The following MCM4 variants were observed in gnomAD, a reference collection of about 807,000 sequenced individuals.
MCM4 encodes DNA replication licensing factor MCM4.
In MCM4, 60 loss-of-function variants were observed where a neutral mutation model predicts 88.7. The observed-to-expected ratio is 0.68, with a 90% CI of 0.55 to 0.84. The LOEUF is 0.84. Ranked by LOEUF, MCM4 falls within the 40% of genes least tolerant of loss-of-function variation. The pLI is 0.00. For synonymous variants in MCM4, 465 were observed against 410.5 expected (o/e 1.13, Z -1.61); for missense variants, 1,149 against 1,105.5 (o/e 1.04, Z -0.56).
chr8:47,975,143 A>G (rs1023613104), intron 15 of MCM4, among the ~76,000 whole-genome samples, 181 bp downstream of exon 15: 4 of 151,480 alleles, frequency 2.6e-5, no homozygotes, highest in South Asian at 2.1e-4. Context: ...TGATAAAAAT[A>G]TTGATTAACA....
intron 2 of MCM4, 119 bp from the exon 3 acceptor site, chr8:47,961,397 C>A: frequency 6.4e-7 from 1 of 1,572,426 alleles, no homozygotes; most frequent in Non-Finnish European, 8.6e-7. Context: ...AATTCGATTG[C>A]CATTTGCCTC....
intron 2 of MCM4, 61 bp downstream of exon 2, chr8:47,961,275 G>A: frequency 2.8e-6 from 4 of 1,426,412 alleles, no homozygotes; most frequent in Non-Finnish European, 3.6e-6. Flanking sequence ...CCCTCTCGCC[G>A]CAGCTGGCAG....
chr8:47,962,542 G>C, intron 5 of MCM4, 136 bp downstream of exon 5: 1 of 893,078 alleles, frequency 1.1e-6, no homozygotes, highest in Non-Finnish European at 1.7e-6. Flanking sequence ...CCAGTACTTT[G>C]GGAGGCCAAG....
At chr8:47,974,590 C>G in intron 14 of MCM4, 144 bp from the exon 15 acceptor site, 1 of 689,454 alleles carries the variant, frequency 1.5e-6, no homozygotes, top group East Asian at 2.5e-5. Context: ...TGTGTAGTCT[C>G]TACCACTTGA....
In MCM4 at chr8:47,961,502, T is replaced by C. The variant is rs1294200423; in HGVS notation, c.71-14T>C. 5 of 1,613,610 alleles carry C rather than the reference T, an allele frequency of 3.1e-6. No individual in the cohort carries two copies. Among genetic ancestry groups the C allele is most frequent in the African/African-American group, 2.7e-5 (2 of 74,936 alleles). ...AAAGTTAATGGCTGTCTTTTCTGTTTTGTGTGACACAAGCTCGGAGTGAGG... is the reference window on the plus strand; with the variant it reads ...AAAGTTAATGGCTGTCTTTTCTGTTCTGTGTGACACAAGCTCGGAGTGAGG... On this transcript the variant is annotated splice_polypyrimidine_tract_variant and intron_variant, in intron 2 of 16. Transcript: ENST00000649973.
At chr8:47,966,118 G>C in intron 8 of MCM4, 69 bp from the exon 9 acceptor site, 1 of 1,331,646 alleles carries the variant, frequency 7.5e-7, no homozygotes, top group East Asian at 2.3e-5. Flanking sequence ...GCTCCTGTCT[G>C]TGATCCCAGC....
intron 8 of MCM4, 79 bp downstream of exon 8, chr8:47,964,791 T>A: frequency 1.6e-6 from 2 of 1,258,338 alleles, no homozygotes; most frequent in Non-Finnish European, 2.2e-6. Context: ...ATTGAGAAAT[T>A]ATGAAAGAAG....
intron 16 of MCM4, 59 bp downstream of exon 16, chr8:47,975,907 T>C: frequency 3.2e-6 from 4 of 1,243,642 alleles, no homozygotes; most frequent in Non-Finnish European, 4.3e-6. Flanking sequence ...TTAATATTGC[T>C]TTTGGGTTTT....
intron 7 of MCM4, 138 bp downstream of exon 7, chr8:47,963,178 T>A (rs957293426): frequency 1.7e-6 from 1 of 578,818 alleles, no homozygotes; most frequent in African/African-American, 1.9e-5. Flanking sequence ...TTTGGCCCGG[T>A]GTGGTGGCTC....
At chr8:47,964,793 T>C in intron 8 of MCM4, 81 bp downstream of exon 8, 1 of 1,238,856 alleles carries the variant, frequency 8.1e-7, no homozygotes. Context: ...TGAGAAATTA[T>C]GAAAGAAGTA....
chr8:47,970,907 C>T (rs533811348), intron 12 of MCM4, 31 bp downstream of exon 12: 62 of 1,551,976 alleles, frequency 4.0e-5, no homozygotes, highest in African/African-American at 2.9e-4. Context: ...TGAACATGGA[C>T]GTGTTTAAAA....
At chr8:47,964,540 G>C in intron 7 of MCM4, 34 bp from the exon 8 acceptor site, 1 of 1,526,906 alleles carries the variant, frequency 6.5e-7, no homozygotes. Flanking sequence ...ACTGAGATAT[G>C]AATACAAATA....
chr8:47,971,027 C>T lies in MCM4; in HGVS notation c.1800+151C>T, dbSNP rs371468497. ...ACATCATATTTCAGCTAAATCTCAA[C>T]ATGTCTTCTACAGGGTGTCACGTTT... On this transcript the variant is annotated intron_variant, in intron 12 of 16. Transcript: ENST00000649973. The T allele has an allele frequency of 3.9e-6, 4 of 1,012,982 alleles. No homozygotes were observed. In the Admixed American group the frequency reaches 1.1e-4, roughly 29 times the overall value. The allele number at this position is 1,012,982 out of a possible 1,614,324, so 62.7% of individuals were successfully genotyped here.
At chr8:47,973,158 A>T in intron 14 of MCM4, 94 bp downstream of exon 14, 1 of 1,117,458 alleles carries the variant, frequency 8.9e-7, no homozygotes, top group Non-Finnish European at 1.3e-6. Context: ...TTATTTTGTT[A>T]CGAATAACAT....
At position 47,962,785 on chromosome 8, in the gene MCM4, G is replaced by T; in HGVS notation, c.523G>T (p.Asp175Tyr). The change falls in exon 6 of 17, where the codon GAC (aspartate) becomes TAC (tyrosine). Residue 175 changes from aspartate to tyrosine, a missense_variant. By Grantham distance (160) the Asp-to-Tyr change is radical. Coordinates refer to ENST00000649973, the MANE Select transcript of MCM4 (RefSeq NM_182746.3). ...AAAGAGATTTCTTCAGCGTTTTATT[G>T]ACCCTCTGGCTAAAGAAGAAGAAAA... ...NFQRFLQRFI[D>Y]PLAKEEENVG... The T allele has an allele frequency of 1.2e-6, 2 of 1,607,162 alleles. No individual in the cohort carries two copies. The highest frequency in any genetic ancestry group is 2.2e-5 in the South Asian group (2 of 89,016).
At chr8:47,961,074 G>A in intron 1 of MCM4, 57 bp from the exon 2 acceptor site, 5 of 1,462,320 alleles carry the variant, frequency 3.4e-6, no homozygotes, top group East Asian at 2.9e-5. Context: ...CCGCGCTGCG[G>A]AGCAGGGCAG....
In MCM4 at chr8:47,970,071, T is replaced by C. The variant is rs1432506546; in HGVS notation, c.1434+14T>C. ...GATATAAAGAAGGTAACAGTGGATTTTAAACTAGGGGTTGGGATTTACAAT... is the reference window on the plus strand; with the variant it reads ...GATATAAAGAAGGTAACAGTGGATTCTAAACTAGGGGTTGGGATTTACAAT... On this transcript the variant is annotated intron_variant, in intron 11 of 16. Transcript: ENST00000649973. 1 of 1,611,210 alleles carries C rather than the reference T, an allele frequency of 6.2e-7. No individual in the cohort carries two copies. Among genetic ancestry groups the C allele is most frequent in the Non-Finnish European group, 8.5e-7 (1 of 1,178,428 alleles).
rs780975597 is a variant in MCM4, at chr8:47,961,173, G to T, written c.29G>T (p.Arg10Leu). 18 of 1,549,816 alleles carry T rather than the reference G, an allele frequency of 1.2e-5. No individual in the cohort carries two copies. In the Admixed American group the frequency reaches 2.4e-4, roughly 20 times the overall value. ...TCGTCCCCGGCGTCGACCCCGAGCC[G>T]CCGCGGCAGCCGGCGTGGAAGGGCC... The part of the protein sequence containing the change: MSSPASTPS[R>L]RGSRRGRATP... Residue 10 changes from arginine to leucine, a missense_variant, in exon 2 of 17, where the codon CGC (arginine) becomes CTC (leucine). By Grantham distance (102) the Arg-to-Leu change is moderately radical. Around this residue, in one of 3 missense-constraint regions of MCM4, gnomAD observed 906 missense variants for 843.0 expected, o/e 1.07. Coordinates refer to ENST00000649973, the MANE Select transcript of MCM4 (RefSeq NM_182746.3).
chr8:47,967,536 A>G (rs768702124), intron 10 of MCM4, 51 bp downstream of exon 10: 132 of 1,610,808 alleles, frequency 8.2e-5, no homozygotes, highest in Non-Finnish European at 1.1e-4. Flanking sequence ...CTTGCTTTCA[A>G]TGCTGTGCTT....
Sources: allele counts gnomAD v4.1 joint callset (sites outside exome capture counted in the v4.1 genomes callset), GRCh38; gene constraint gnomAD v4.1.1; regional missense constraint gnomAD v4.1.1; transcripts MANE v1.5; gene names NCBI Gene and HGNC (gene_info 2026-07-23, HGNC 2026-07-21).